GRM8: variants seen among roughly 807,000 people sequenced by gnomAD.
GRM8 encodes metabotropic glutamate receptor 8.
GRM8 carries 47 observed loss-of-function variants against 87.2 expected under a neutral mutation model. That is an observed-to-expected ratio of 0.54 (90% CI 0.43 to 0.69). GRM8 has a LOEUF of 0.69. Among genes scored for constraint, GRM8 ranks in the 30% least tolerant of loss-of-function variants. The pLI, the probability that GRM8 is intolerant of heterozygous loss-of-function variation, is 0.00. For missense variants in GRM8, 1,019 were observed against 1,139.2 expected (o/e 0.89, Z 1.52); for synonymous variants, 396 against 404.5 (o/e 0.98, Z 0.25).
At chr7:126,464,685 T>C (rs1357044020) in intron 9 of GRM8, among the ~76,000 whole-genome samples, 2 of 151,674 alleles carry the variant, frequency 1.3e-5, no homozygotes, top group Admixed American at 6.6e-5. Context: ...TATCATCTTA[T>C]TTTTTTAGAC....
At chr7:126,491,789 T>G (rs1313727558) in intron 9 of GRM8, among the ~76,000 whole-genome samples, 1 of 152,026 alleles carries the variant, frequency 6.6e-6, no homozygotes, top group Non-Finnish European at 1.5e-5. Flanking sequence ...TATAAGAAAA[T>G]AATGAATCTG....
intron 2 of GRM8, among the ~76,000 whole-genome samples, chr7:127,135,063 C>G (rs765090587): frequency 6.6e-6 from 1 of 151,788 alleles, no homozygotes; most frequent in African/African-American, 2.4e-5. Flanking sequence ...ATATGACTAC[C>G]TGTCTTTTTT....
intron 2 of GRM8, among the ~76,000 whole-genome samples, chr7:127,128,860 C>T (rs1320767098): frequency 2.0e-5 from 3 of 152,098 alleles, no homozygotes; most frequent in African/African-American, 4.8e-5. Context: ...TGTTCTTCTC[C>T]AGTCAGCTTT....
intron 6 of GRM8, among the ~76,000 whole-genome samples, chr7:126,804,758 T>C (rs1792489779): frequency 6.6e-6 from 1 of 152,236 alleles, no homozygotes; most frequent in African/African-American, 2.4e-5. Context: ...TATGCCTCTG[T>C]ATGTTTATAA....
chr7:126,541,496 T>C lies in GRM8; in HGVS notation c.1495-7609A>G, dbSNP rs181912775. Among the ~76,000 whole-genome samples, 139 of 152,210 alleles carry C rather than the reference T, an allele frequency of 9.1e-4. 1 individual carries two copies. Among genetic ancestry groups the C allele is most frequent in the African/African-American group, 2.6e-3 (108 of 41,550 alleles). On this transcript the variant is annotated intron_variant, in intron 8 of 10. Transcript: ENST00000339582. ...AGTTTGGATGCCATCCTGAAGGTAG[T>C]TGGGATCTTCCATAGGGATATAGCC...
intron 2 of GRM8, among the ~76,000 whole-genome samples, chr7:127,177,156 G>C (rs17865256): frequency 6.6e-6 from 1 of 152,144 alleles, no homozygotes; most frequent in Non-Finnish European, 1.5e-5. Flanking sequence ...GGGGCTACTG[G>C]GGGTGGGGGC....
rs3831568 is a variant in GRM8, at chr7:126,528,215, A to AACG, written c.2430+4734_2430+4736dup. On this transcript the variant is annotated intron_variant, in intron 9 of 10. Transcript: ENST00000339582. Reference sequence around the variant, plus strand: ...AGAGCAAGACTCCATCTCAAAAAACAACGACAACAACAACAACAACAAAAT... The same window carrying AACG: ...AGAGCAAGACTCCATCTCAAAAAACAACGACGACAACAACAACAACAACAAAAT... Among the ~76,000 whole-genome samples, 1,417 of 152,236 alleles carry AACG rather than the reference A, an allele frequency of 9.3e-3. 79 individuals are homozygous for AACG. In the East Asian group the frequency reaches 0.14, roughly 15 times the overall value.
chr7:126,493,498 G>GTC (rs1808296636), intron 9 of GRM8, among the ~76,000 whole-genome samples: 1 of 152,008 alleles, frequency 6.6e-6, no homozygotes, highest in Admixed American at 6.6e-5. Flanking sequence ...ATCTTTCCCG[G>GTC]AAGAACAGAT....
Position 127,106,543 on chromosome 7 carries a change from T to G in GRM8, c.680A>C (p.Tyr227Ser), listed in dbSNP as rs200219854. 40 of 1,614,114 alleles carry G rather than the reference T, an allele frequency of 2.5e-5. No individual in the cohort carries two copies. The highest frequency in any genetic ancestry group is 3.2e-5 in the Non-Finnish European group (38 of 1,179,986). ...YVSTLASEGN[Y>S]GESGVEAFTQ... ...GAAGGCCTCCACACCGCTCTCACCA[T>G]AGTTCCCCTCAGAAGCCAGTGTCGA... Residue 227 changes from tyrosine (Y) to serine (S), a missense_variant, in exon 3 of 11, where the codon TAT becomes TCT. Physicochemically the swap from Tyr to Ser is moderately radical, Grantham distance 144. Coordinates refer to ENST00000339582, the MANE Select transcript of GRM8 (RefSeq NM_000845.3).
In GRM8 at chr7:126,858,896, T is replaced by C. The variant is rs189836845; in HGVS notation, c.1156+43646A>G. Among the ~76,000 whole-genome samples the C allele has an allele frequency of 4.3e-4, 66 of 152,312 alleles. 2 individuals are homozygous for C. Among genetic ancestry groups the C allele is most frequent in the Middle Eastern group, 3.4e-3 (1 of 294 alleles). On this transcript the variant is annotated intron_variant, in intron 6 of 10. Coordinates refer to ENST00000339582, the MANE Select transcript of GRM8 (RefSeq NM_000845.3). Reference sequence around the variant, plus strand: ...TCCTTTCTGTTCCTTGAACAGGACATACTTTTTCCCATTTACCTGAGGCCT... The same window carrying C: ...TCCTTTCTGTTCCTTGAACAGGACACACTTTTTCCCATTTACCTGAGGCCT...
chr7:126,739,757 G>A (rs1432453751), intron 7 of GRM8, among the ~76,000 whole-genome samples: 4 of 151,696 alleles, frequency 2.6e-5, no homozygotes, highest in Admixed American at 2.0e-4. Context: ...CACACATTTC[G>A]GTCAATAACA....
intron 7 of GRM8, among the ~76,000 whole-genome samples, chr7:126,737,665 C>T (rs144896606): frequency 2.0e-4 from 30 of 152,100 alleles, no homozygotes; most frequent in Non-Finnish European, 3.2e-4. Flanking sequence ...AATGTCCAGA[C>T]GTACAAAAAG....
intron 8 of GRM8, among the ~76,000 whole-genome samples, chr7:126,550,584 TAGTC>T (rs1183154554): frequency 6.6e-6 from 1 of 152,030 alleles, no homozygotes; most frequent in African/African-American, 2.4e-5. Flanking sequence ...TCTTTCCAAT[TAGTC>T]AGGTCAAAAG....
intron 8 of GRM8, among the ~76,000 whole-genome samples, chr7:126,558,691 T>G (rs1036509453): frequency 6.6e-6 from 1 of 152,208 alleles, no homozygotes; most frequent in Non-Finnish European, 1.5e-5. Flanking sequence ...AGTCTTTACA[T>G]GTTTAGCACA....
chr7:127,058,495 T>C (rs1820235360), intron 3 of GRM8, among the ~76,000 whole-genome samples: 1 of 152,154 alleles, frequency 6.6e-6, no homozygotes, highest in Admixed American at 6.5e-5. Flanking sequence ...TAGTTCCTCC[T>C]TTTTTTCCCA....
intron 1 of GRM8, among the ~76,000 whole-genome samples, chr7:127,244,396 C>T (rs17865092): frequency 0.053 from 8,092 of 152,224 alleles, 284 homozygotes; most frequent in African/African-American, 0.095. Flanking sequence ...AGGCTACACG[C>T]AAATCTACAG....
intron 7 of GRM8, among the ~76,000 whole-genome samples, chr7:126,628,121 T>C (rs1400233759): frequency 6.6e-6 from 1 of 152,170 alleles, no homozygotes; most frequent in Non-Finnish European, 1.5e-5. Context: ...CTCAGCTCAC[T>C]GCGACCTCCA....
intron 2 of GRM8, among the ~76,000 whole-genome samples, chr7:127,168,409 T>C (rs775345191): frequency 1.3e-5 from 2 of 151,868 alleles, no homozygotes; most frequent in African/African-American, 2.4e-5. Flanking sequence ...TTGGTGGGAG[T>C]GTAAATTAGT....
chr7:126,759,930 T>C (rs931523331), intron 7 of GRM8, among the ~76,000 whole-genome samples: 3 of 152,214 alleles, frequency 2.0e-5, no homozygotes, highest in African/African-American at 7.2e-5. Flanking sequence ...TGGCCACTAT[T>C]ACAAGGTGTT....
Sources: gnomAD v4.1 joint callset for allele counts (sites outside exome capture counted in the v4.1 genomes callset) on GRCh38, gnomAD v4.1.1 for gene constraint, MANE v1.5 for transcripts, NCBI Gene and HGNC (gene_info 2026-07-23, HGNC 2026-07-21) for gene names.